Variants in PPIG observed in about 807,000 individuals in gnomAD.
The protein encoded by PPIG is peptidylprolyl isomerase G.
A neutral mutation model predicts 87.9 loss-of-function variants in PPIG; 26 were observed. The observed-to-expected ratio is 0.30, with a 90% CI of 0.22 to 0.41. The LOEUF is 0.41. PPIG is among the 10% of genes least tolerant of loss of function. The pLI is 1.00. For synonymous variants in PPIG, 308 were observed against 276.5 expected (o/e 1.11, Z -1.13); for missense variants, 722 against 879.4 (o/e 0.82, Z 2.26).
At chr2:169,607,433 CT>C (rs1194734763) in intron 6 of PPIG, among the ~76,000 whole-genome samples, 3 of 152,088 alleles carry the variant, frequency 2.0e-5, no homozygotes, top group Non-Finnish European at 2.9e-5. Flanking sequence ...TCAATCTTAA[CT>C]TTTATTAAAG....
chr2:169,633,324 T>C lies in PPIG; in HGVS notation c.1017+77T>C, dbSNP rs1195377556. On this transcript the variant is annotated intron_variant, in intron 12 of 13. Coordinates refer to ENST00000260970, the MANE Select transcript of PPIG (RefSeq NM_004792.3). Reference sequence around the variant, plus strand: ...AAATAATTTTAGGGTGTTTCTTAAATATTATTTTAATGTGCAAGTAACTAA... The same window carrying C: ...AAATAATTTTAGGGTGTTTCTTAAACATTATTTTAATGTGCAAGTAACTAA... 4.2e-6 allele frequency: 5 copies of C among 1,177,322 alleles called. No individual in the cohort carries two copies. In the Admixed American group the frequency reaches 1.0e-4, roughly 23 times the overall value. 72.9% of individuals were successfully genotyped at this position (1,177,322 alleles called of 1,614,324 possible).
intron 1 of PPIG, among the ~76,000 whole-genome samples, chr2:169,596,394 C>T (rs886213918): frequency 1.3e-5 from 2 of 152,086 alleles, no homozygotes; most frequent in Non-Finnish European, 2.9e-5. Flanking sequence ...CGTGAGCCTT[C>T]GCACCCGGCC....
chr2:169,631,779 A>G lies in PPIG; in HGVS notation c.775A>G (p.Ser259Gly). 1.2e-6 allele frequency: 2 copies of G among 1,613,896 alleles called. No homozygotes were observed. The highest frequency in any genetic ancestry group is 3.3e-4 in the Middle Eastern group (2 of 6,054). Reference sequence around the variant, plus strand: ...CTGTCTGTTAAGTGCATCTAGTGAGAGTGAAGCTGAAAATCTTGAAGCACA... The same window carrying G: ...CTGTCTGTTAAGTGCATCTAGTGAGGGTGAAGCTGAAAATCTTGAAGCACA... ...KKSKKSASSE[S>G]EAENLEAQPQ... The change falls in exon 11 of 14, where the codon AGT becomes GGT. Residue 259 changes from serine (S) to glycine (G), a missense_variant. Ser to Gly is a moderately conservative substitution (Grantham distance 56). Transcript: ENST00000260970.
intron 9 of PPIG, among the ~76,000 whole-genome samples, chr2:169,628,603 G>A (rs1034866035): frequency 4.6e-5 from 7 of 152,062 alleles, no homozygotes; most frequent in Non-Finnish European, 8.8e-5. Flanking sequence ...TAGAGCCCAG[G>A]AGTTTGAGGC....
intron 9 of PPIG, among the ~76,000 whole-genome samples, chr2:169,627,225 A>G (rs376346704): frequency 3.3e-5 from 5 of 151,582 alleles, no homozygotes; most frequent in African/African-American, 9.7e-5. Flanking sequence ...CAGCCTCCCT[A>G]GTAGCTGGGA....
In PPIG at chr2:169,639,488, A is replaced by G. The variant is rs1192335753; in HGVS notation, c.*1965A>G. ...GATCCCAGAGCTTTATCTACTAAAA[A>G]TTATACATAAGGATTTCCAAATCTT... On this transcript the variant is annotated 3_prime_UTR_variant, in exon 14 of 14. Coordinates refer to ENST00000260970, the MANE Select transcript of PPIG (RefSeq NM_004792.3). 3 of 152,218 alleles carry G rather than the reference A, an allele frequency of 2.0e-5. No homozygotes were observed. The highest frequency in any genetic ancestry group is 3.9e-4 in the East Asian group (2 of 5,190). 9.4% of individuals were successfully genotyped at this position (152,218 alleles called of 1,614,324 possible).
At chr2:169,607,639 T>G (rs946327984) in intron 6 of PPIG, among the ~76,000 whole-genome samples, 1 of 152,238 alleles carries the variant, frequency 6.6e-6, no homozygotes, top group Non-Finnish European at 1.5e-5. Flanking sequence ...GGAAATAATT[T>G]AATATTTTTC....
chr2:169,631,616 T>A, intron 10 of PPIG, 150 bp from the exon 11 acceptor site: 1 of 1,435,650 alleles, frequency 7.0e-7, no homozygotes, highest in Non-Finnish European at 9.1e-7. Context: ...GTCAGAGGAA[T>A]AGAAGATTTT....
intron 10 of PPIG, 154 bp from the exon 11 acceptor site, chr2:169,631,612 G>C (rs986554549): frequency 7.0e-7 from 1 of 1,422,768 alleles, no homozygotes; most frequent in African/African-American, 1.5e-5. Flanking sequence ...GTTTGTCAGA[G>C]GAATAGAAGA....
intron 7 of PPIG, 24 bp from the exon 8 acceptor site, chr2:169,614,437 ATTC>A: frequency 6.6e-7 from 1 of 1,521,878 alleles, no homozygotes. Flanking sequence ...CTTTGTTTTT[ATTC>A]TTCTATCTGA....
chr2:169,593,037 A>T (rs12472066), intron 1 of PPIG, among the ~76,000 whole-genome samples: 8 of 151,968 alleles, frequency 5.3e-5, no homozygotes, highest in Middle Eastern at 3.4e-3. Context: ...ATCAATTTCT[A>T]TGAAGAGTGT....
chr2:169,631,387 G>A, intron 10 of PPIG: 1 of 281,020 alleles, frequency 3.6e-6, no homozygotes, highest in South Asian at 5.5e-5. Context: ...TTTCCATTTT[G>A]CTTGAAATAA....
chr2:169,603,845 A>G (rs1685250496), intron 2 of PPIG, among the ~76,000 whole-genome samples, 151 bp downstream of exon 2: 1 of 152,240 alleles, frequency 6.6e-6, no homozygotes, highest in South Asian at 2.1e-4. Flanking sequence ...GCTTCACAAA[A>G]TGCAATCTAA....
intron 1 of PPIG, among the ~76,000 whole-genome samples, chr2:169,602,633 T>A (rs1311818819): frequency 6.6e-6 from 1 of 152,234 alleles, no homozygotes; most frequent in Non-Finnish European, 1.5e-5. Context: ...TGTTTTTGTT[T>A]GTCAAAATGT....
intron 8 of PPIG, 31 bp downstream of exon 8, chr2:169,614,524 G>C: frequency 6.4e-7 from 1 of 1,556,612 alleles, no homozygotes; most frequent in Non-Finnish European, 8.7e-7. Flanking sequence ...TTTACAACCT[G>C]TTTTAAATTA....
At chr2:169,622,139 T>A (rs954256090) in intron 9 of PPIG, among the ~76,000 whole-genome samples, 4 of 151,986 alleles carry the variant, frequency 2.6e-5, no homozygotes, top group African/African-American at 9.7e-5. Flanking sequence ...AAAAGAGTTT[T>A]TGGCCAGGCT....
At chr2:169,603,242 A>G (rs1055284845) in intron 1 of PPIG, among the ~76,000 whole-genome samples, 1 of 152,148 alleles carries the variant, frequency 6.6e-6, no homozygotes, top group African/African-American at 2.4e-5. Context: ...TCTACGGGTA[A>G]GTATCATCTT....
intron 9 of PPIG, among the ~76,000 whole-genome samples, chr2:169,630,302 TAGA>T (rs1258889610): frequency 6.6e-6 from 1 of 152,178 alleles, no homozygotes; most frequent in Non-Finnish European, 1.5e-5. Flanking sequence ...TCTTAATTAT[TAGA>T]AGACTGCTTG....
intron 1 of PPIG, among the ~76,000 whole-genome samples, chr2:169,599,084 T>A (rs1157793877): frequency 6.6e-6 from 1 of 152,096 alleles, no homozygotes; most frequent in Non-Finnish European, 1.5e-5. Flanking sequence ...GAAGTGGAAT[T>A]ACTGAGTCAG....
Sources: allele counts gnomAD v4.1 joint callset (sites outside exome capture counted in the v4.1 genomes callset), GRCh38; gene constraint gnomAD v4.1.1; transcripts MANE v1.5; gene names NCBI Gene and HGNC (gene_info 2026-07-23, HGNC 2026-07-21).